Variants in ADRA1B observed in about 807,000 individuals in gnomAD.
ADRA1B encodes the protein alpha-1B adrenergic receptor.
In ADRA1B, 17 loss-of-function variants were observed where a neutral mutation model predicts 17.9. The observed-to-expected ratio is 0.95, with a 90% confidence interval of 0.65 to 1.42. The LOEUF (loss-of-function observed/expected upper bound fraction) is 1.42, where lower values mean the gene tolerates loss of function less well. ADRA1B is among the 40% of genes most tolerant of loss of function. The probability of loss-of-function intolerance (pLI) is 0.00; values close to 1 mark genes in which losing one functional copy is unlikely to be tolerated. For synonymous variants in ADRA1B, 366 were observed against 327.6 expected, an observed-to-expected ratio of 1.12 and a Z score of -1.27; for missense variants, 681 against 722.1, an observed-to-expected ratio of 0.94 and a Z score of 0.65.
chr5:159,879,246 G>A lies in ADRA1B; in HGVS notation c.-256+14040G>A, dbSNP rs118046229. Among the ~76,000 whole-genome samples the A allele has an allele frequency of 6.1e-4, 93 of 152,204 alleles. 1 individual carries two copies. The East Asian group carries it at 0.014, about 22-fold the overall frequency. On this transcript the variant is annotated intron_variant, in intron 1 of 2. Transcript: ENST00000641205. The stretch of plus-strand genomic sequence containing the variant: ...TTAGCGTAGAGATTGTCTGTTCACC[G>A]GGGAAAGGGGCCCAGTGACTGACGA...
At chr5:159,898,170 G>A (rs892656694) in intron 1 of ADRA1B, among the ~76,000 whole-genome samples, 10 of 152,188 alleles carry the variant, frequency 6.6e-5, no homozygotes, top group Non-Finnish European at 1.5e-4. Context: ...TGGCATCTGG[G>A]TCCAGCAAAT....
chr5:159,923,463 TA>T (rs1475342121), intron 1 of ADRA1B, among the ~76,000 whole-genome samples: 1 of 152,314 alleles, frequency 6.6e-6, no homozygotes, highest in East Asian at 1.9e-4. Context: ...GGTGACGGCA[TA>T]AGAGAGTCCG....
intron 1 of ADRA1B, among the ~76,000 whole-genome samples, chr5:159,866,596 A>AG (rs1394034157): frequency 7.0e-6 from 1 of 143,016 alleles, no homozygotes; most frequent in African/African-American, 2.5e-5. Flanking sequence ...CAAAAAAGGA[A>AG]AAAAAAAAAA....
intron 1 of ADRA1B, among the ~76,000 whole-genome samples, chr5:159,918,799 C>T (rs1471667325): frequency 6.6e-6 from 1 of 152,170 alleles, no homozygotes; most frequent in Non-Finnish European, 1.5e-5. Context: ...ACATGCTGTC[C>T]ACATGGCCTG....
At position 159,942,765 on chromosome 5, in the gene ADRA1B, T is replaced by C. The variant is rs566599703; in HGVS notation, c.949+24911T>C. ...ATTCTATTTTCTATGAGTATGTGTA[T>C]GGAAATACATAGAAAAAAACTGGAA... On this transcript the variant is annotated intron_variant, in intron 1 of 1. Transcript: ENST00000306675. 1.1e-3 allele frequency among the ~76,000 whole-genome samples: 166 copies of C among 152,112 alleles called. 1 individual carries two copies. The highest frequency in any genetic ancestry group is 3.9e-3 in the African/African-American group (161 of 41,484).
chr5:159,926,554 G>A (rs1476011670), intron 1 of ADRA1B, among the ~76,000 whole-genome samples: 1 of 152,094 alleles, frequency 6.6e-6, no homozygotes, highest in Non-Finnish European at 1.5e-5. Context: ...ACCTCCCACG[G>A]CCCACCAGAT....
intron 1 of ADRA1B, among the ~76,000 whole-genome samples, chr5:159,873,690 G>A (rs1049840020): frequency 6.6e-6 from 1 of 152,184 alleles, no homozygotes; most frequent in Non-Finnish European, 1.5e-5. Flanking sequence ...ACTGGATGAT[G>A]GTGGCAACAG....
intron 1 of ADRA1B, among the ~76,000 whole-genome samples, chr5:159,959,249 C>T (rs1310610599): frequency 6.6e-6 from 1 of 152,070 alleles, no homozygotes; most frequent in Non-Finnish European, 1.5e-5. Flanking sequence ...AGATGAAAAC[C>T]GAGCTGGGTG....
chr5:159,938,364 C>T (rs1351419008), intron 1 of ADRA1B, among the ~76,000 whole-genome samples: 4 of 152,224 alleles, frequency 2.6e-5, no homozygotes, highest in Non-Finnish European at 5.9e-5. Context: ...TCCTCAAAGT[C>T]TTCCAACCAT....
At chr5:159,894,776 G>A (rs931121796) in intron 1 of ADRA1B, among the ~76,000 whole-genome samples, 6 of 152,124 alleles carry the variant, frequency 3.9e-5, no homozygotes, top group African/African-American at 9.7e-5. Context: ...GCATTCTCTC[G>A]TGTCAGCTCT....
rs772197422 is a variant in ADRA1B at position 159,971,870 on chromosome 5, C to T, written c.950-9C>T. 1.8e-5 allele frequency: 10 copies of T among 550,166 alleles called. No individual in the cohort carries two copies. The highest frequency in any genetic ancestry group is 7.2e-4 in the Middle Eastern group (2 of 2,780). The allele number at this position is 550,166 out of a possible 1,614,324, so 34.1% of individuals were successfully genotyped here. A position where few individuals can be genotyped will look rare whatever the true frequency, so the allele number is the denominator to read the frequency against. On this transcript the variant is annotated splice_polypyrimidine_tract_variant and intron_variant, in intron 1 of 1. Coordinates refer to ENST00000306675, the MANE Select transcript of ADRA1B (RefSeq NM_000679.4). ...TTTCTGCCCGTGCCCACCCCCCTCC[C>T]CACTGCAGGCTCCTTGTTCTCCACC...
intron 1 of ADRA1B, among the ~76,000 whole-genome samples, chr5:159,885,463 A>T (rs1753913404): frequency 6.6e-6 from 1 of 152,186 alleles, no homozygotes; most frequent in African/African-American, 2.4e-5. Context: ...ATATTTGCTA[A>T]TGGGATTCTA....
rs192863126 is a variant in ADRA1B, at chr5:159,964,223, T to C, written c.950-7656T>C. On this transcript the variant is annotated intron_variant, in intron 1 of 1. Coordinates refer to ENST00000306675, the MANE Select transcript of ADRA1B (RefSeq NM_000679.4). Reference sequence around the variant, plus strand: ...CCTGGGCTCTCCAGAGACAAAGTGGTTCCCTGTTCACTTCTCTTTCAATCC... The same window carrying C: ...CCTGGGCTCTCCAGAGACAAAGTGGCTCCCTGTTCACTTCTCTTTCAATCC... Among the ~76,000 whole-genome samples the C allele has an allele frequency of 8.5e-4, 130 of 152,256 alleles. 1 individual carries two copies. The highest frequency in any genetic ancestry group is 8.1e-3 in the Admixed American group (124 of 15,296).
intron 1 of ADRA1B, among the ~76,000 whole-genome samples, chr5:159,902,234 C>T (rs1754109538): frequency 6.6e-6 from 1 of 152,122 alleles, no homozygotes; most frequent in Admixed American, 6.5e-5. Context: ...TTAAATAAGT[C>T]AGTCACAAAA....
At chr5:159,970,470 A>G (rs1398489479) in intron 1 of ADRA1B, among the ~76,000 whole-genome samples, 1 of 152,188 alleles carries the variant, frequency 6.6e-6, no homozygotes. Context: ...ACCCCATTCT[A>G]CTTTTCCCAG....
chr5:159,962,177 A>G (rs936444621), intron 1 of ADRA1B, among the ~76,000 whole-genome samples: 2 of 152,164 alleles, frequency 1.3e-5, no homozygotes, highest in Non-Finnish European at 2.9e-5. Flanking sequence ...CAGCCTGGGC[A>G]ACAGAGTGAG....
chr5:159,931,524 T>G (rs1448041373), intron 1 of ADRA1B, among the ~76,000 whole-genome samples: 6 of 152,208 alleles, frequency 3.9e-5, no homozygotes, highest in African/African-American at 1.4e-4. Context: ...GAGAAGAATT[T>G]TCTCTTTCTT....
chr5:159,871,037 G>C (rs1753733004), intron 1 of ADRA1B: 1 of 152,210 alleles, frequency 6.6e-6, no homozygotes, highest in South Asian at 2.1e-4. Flanking sequence ...AAGAGGTGAG[G>C]AGGAGTAGTT....
At chr5:159,936,657 A>AC in intron 1 of ADRA1B, among the ~76,000 whole-genome samples, 1 of 103,170 alleles carries the variant, frequency 9.7e-6, no homozygotes, top group Admixed American at 1.0e-4. Flanking sequence ...TTCAAACCAC[A>AC]AAAAAAAAAA....
Sources: gnomAD v4.1 joint callset for allele counts (sites outside exome capture counted in the v4.1 genomes callset) on GRCh38, gnomAD v4.1.1 for gene constraint, MANE v1.5 for transcripts, NCBI Gene and HGNC (gene_info 2026-07-23, HGNC 2026-07-21) for gene names.